Variants in CD96 observed in about 807,000 individuals in gnomAD.
The protein encoded by CD96 is CD96 molecule.
A neutral mutation model predicts 71.3 loss-of-function variants in CD96; 70 were observed. That is an observed-to-expected ratio of 0.98 (90% CI 0.81 to 1.20). The LOEUF is 1.20. Ranked by LOEUF, CD96 falls within the 50% of genes most tolerant of loss-of-function variation. CD96 has a pLI of 0.00. For missense variants in CD96, 742 were observed against 677.5 expected, an observed-to-expected ratio of 1.10 and a Z score of -1.06; for synonymous variants, 248 against 233.0, an observed-to-expected ratio of 1.06 and a Z score of -0.59.
downstream of CD96, among the ~76,000 whole-genome samples, chr3:111,656,297 T>G (rs1174287552): frequency 6.6e-6 from 1 of 152,154 alleles, no homozygotes; most frequent in East Asian, 1.9e-4. Flanking sequence ...AATTTAAAAA[T>G]GTACTGAGAC....
rs187442818 is a variant in CD96 at position 111,613,277 on chromosome 3, G to A, written c.1180+6485G>A. Among the ~76,000 whole-genome samples, 9 of 152,244 alleles carry A rather than the reference G, an allele frequency of 5.9e-5. No individual in the cohort carries two copies. The East Asian group carries it at 1.2e-3, about 20-fold the overall frequency. On this transcript the variant is annotated intron_variant, in intron 8 of 13. Coordinates refer to ENST00000352690, the MANE Select transcript of CD96 (RefSeq NM_005816.5). ...TATCTACAAGCTCACCACATGATGC[G>A]TGATGAGCTCTGTCCTGCTTACTGT...
In CD96 at chr3:111,589,489, C is replaced by G. The variant is rs185830690; in HGVS notation, c.807+4111C>G. Among the ~76,000 whole-genome samples the G allele has an allele frequency of 3.3e-3, 510 of 152,340 alleles. 1 individual carries two copies. Among genetic ancestry groups the G allele is most frequent in the Admixed American group, 4.0e-3 (61 of 15,302 alleles). On this transcript the variant is annotated intron_variant, in intron 5 of 13. Transcript: ENST00000352690. Reference sequence around the variant, plus strand: ...AATTAGTGAGTAATCTTTCTCCAATCACACATAACCAGCTACAGGACATGG... The same window carrying G: ...AATTAGTGAGTAATCTTTCTCCAATGACACATAACCAGCTACAGGACATGG...
At chr3:111,561,374 C>T (rs980805228) in intron 2 of CD96, among the ~76,000 whole-genome samples, 4 of 147,172 alleles carry the variant, frequency 2.7e-5, no homozygotes, top group African/African-American at 9.8e-5. Flanking sequence ...TGGTGATGTA[C>T]AGATGGGTTT....
rs1316837997 is a variant in CD96, at chr3:111,637,198, G to A, written c.1324G>A (p.Val442Ile). 1.3e-6 allele frequency: 2 copies of A among 1,552,470 alleles called. No homozygotes were observed. The highest frequency in any genetic ancestry group is 2.2e-5 in the South Asian group (2 of 89,920). ...CTTCTGATATCTTCTTCCTTTAGCA[G>A]TTTCACGGATACCTAGTGAAACATA... ...TSSGTDTKKS[V>I]SRIPSETYSS... The change falls in exon 11 of 14, where the codon GTT becomes ATT. Residue 442 changes from valine (V) to isoleucine (I), a missense_variant and splice_region_variant. By Grantham distance (29) the Val-to-Ile change is conservative (BLOSUM62 3). Transcript: ENST00000352690.
intron 14 of CD96, among the ~76,000 whole-genome samples, chr3:111,664,207 A>G (rs1318639035): frequency 6.6e-6 from 1 of 152,032 alleles, no homozygotes; most frequent in Non-Finnish European, 1.5e-5. Flanking sequence ...AAGACGTGCA[A>G]ATGTATGCTC....
intron 12 of CD96, among the ~76,000 whole-genome samples, chr3:111,643,476 C>A (rs1195509105): frequency 6.6e-6 from 1 of 152,010 alleles, no homozygotes; most frequent in Non-Finnish European, 1.5e-5. Flanking sequence ...GAAGTCCTAG[C>A]CAAAGCAATC....
intron 9 of CD96, 51 bp downstream of exon 9, chr3:111,623,873 C>A: frequency 1.8e-6 from 2 of 1,111,892 alleles, no homozygotes; most frequent in Non-Finnish European, 2.8e-6. Flanking sequence ...AACACACTCA[C>A]AAGTTTTACT....
intron 4 of CD96, among the ~76,000 whole-genome samples, chr3:111,581,530 G>A (rs1936466766): frequency 6.6e-6 from 1 of 152,254 alleles, no homozygotes; most frequent in African/African-American, 2.4e-5. Flanking sequence ...TTGTCTAACA[G>A]ACCAGGGACA....
chr3:111,645,102 G>A (rs1939766619), intron 12 of CD96, among the ~76,000 whole-genome samples: 1 of 151,988 alleles, frequency 6.6e-6, no homozygotes, highest in Admixed American at 6.6e-5. Context: ...CAAAATCGTG[G>A]AACCAACCCA....
chr3:111,627,039 G>A (rs959018918), intron 10 of CD96, among the ~76,000 whole-genome samples: 3 of 152,190 alleles, frequency 2.0e-5, no homozygotes, highest in African/African-American at 7.2e-5. Context: ...AGGAGTGAGA[G>A]GGTATTAAGA....
At chr3:111,575,578 G>A (rs1431578168) in intron 3 of CD96, among the ~76,000 whole-genome samples, 1 of 152,200 alleles carries the variant, frequency 6.6e-6, no homozygotes, top group East Asian at 1.9e-4. Context: ...CTTTATAACT[G>A]TCTTAATCTA....
intron 5 of CD96, chr3:111,595,562 A>G (rs993692526): frequency 6.6e-5 from 10 of 152,174 alleles, no homozygotes; most frequent in Middle Eastern, 3.4e-3. Context: ...GGCATATGTC[A>G]TGCAGCAAAA....
chr3:111,579,489 T>C (rs1386878294), intron 4 of CD96: 1 of 530,978 alleles, frequency 1.9e-6, no homozygotes, highest in Non-Finnish European at 3.5e-6. Context: ...TTCTGTTGCT[T>C]ACAATGAAAT....
intron 2 of CD96, among the ~76,000 whole-genome samples, chr3:111,564,019 C>G (rs562657466): frequency 1.3e-5 from 2 of 152,140 alleles, no homozygotes; most frequent in East Asian, 3.9e-4. Flanking sequence ...TGTTTTCTGG[C>G]AGAGGACTGC....
At chr3:111,571,645 C>A (rs912708907) in intron 3 of CD96, among the ~76,000 whole-genome samples, 1 of 152,152 alleles carries the variant, frequency 6.6e-6, no homozygotes, top group Non-Finnish European at 1.5e-5. Context: ...CACCATGATA[C>A]CAACAACTTG....
intron 8 of CD96, among the ~76,000 whole-genome samples, chr3:111,616,637 G>A (rs969798295): frequency 2.6e-5 from 4 of 152,178 alleles, no homozygotes; most frequent in Non-Finnish European, 2.9e-5. Context: ...AGACAGCCTT[G>A]GGTTCAGTTG....
chr3:111,653,107 A>G (rs1193615627), downstream of CD96, among the ~76,000 whole-genome samples: 2 of 152,190 alleles, frequency 1.3e-5, no homozygotes, highest in Non-Finnish European at 2.9e-5. Flanking sequence ...CATGGGCACG[A>G]CTAACCCAAG....
intron 5 of CD96, among the ~76,000 whole-genome samples, chr3:111,588,630 A>G (rs1259225899): frequency 6.6e-6 from 1 of 152,172 alleles, no homozygotes; most frequent in Non-Finnish European, 1.5e-5. Context: ...CATACCCAAG[A>G]CTGGGTAATT....
chr3:111,589,443 A>G (rs1313306390), intron 5 of CD96, among the ~76,000 whole-genome samples: 2 of 152,216 alleles, frequency 1.3e-5, no homozygotes, highest in Non-Finnish European at 2.9e-5. Context: ...TAAGAAAACC[A>G]GAGAATTTTC....
Sources: allele counts gnomAD v4.1 joint callset (sites outside exome capture counted in the v4.1 genomes callset), GRCh38; gene constraint gnomAD v4.1.1; transcripts MANE v1.5; gene names NCBI Gene and HGNC (gene_info 2026-07-23, HGNC 2026-07-21).